The following RUNX2 variants were observed in gnomAD, a reference collection of about 807,000 sequenced individuals.
RUNX2 encodes runt-related transcription factor 2.
A neutral mutation model predicts 51.7 loss-of-function variants in RUNX2; 10 were observed. The ratio of observed to expected loss-of-function variants is 0.19; its 90% CI spans 0.12 to 0.33. The LOEUF (loss-of-function observed/expected upper bound fraction) is 0.33. Among genes scored for constraint, RUNX2 ranks in the 10% least tolerant of loss-of-function variants. The pLI is 1.00. For synonymous variants in RUNX2, 276 were observed against 273.6 expected, an observed-to-expected ratio of 1.01 and a Z score of -0.09; for missense variants, 562 against 691.3, an observed-to-expected ratio of 0.81 and a Z score of 2.10.
intron 2 of RUNX2, among the ~76,000 whole-genome samples, chr6:45,341,471 G>GCTTT (rs1789759724): frequency 6.6e-6 from 1 of 152,024 alleles, no homozygotes; most frequent in Admixed American, 6.6e-5. Flanking sequence ...ACATGAGGTA[G>GCTTT]GATCACACTA....
intron 2 of RUNX2, among the ~76,000 whole-genome samples, chr6:45,375,371 A>G (rs1170789434): frequency 6.6e-6 from 1 of 152,200 alleles, no homozygotes; most frequent in Non-Finnish European, 1.5e-5. Context: ...TTGTGCTGGA[A>G]CAATCAGGCT....
chr6:45,433,907 A>G (rs1798611666), intron 4 of RUNX2, among the ~76,000 whole-genome samples: 1 of 152,176 alleles, frequency 6.6e-6, no homozygotes, highest in African/African-American at 2.4e-5. Context: ...TATATTTCTT[A>G]TGATCTTAAC....
At chr6:45,434,543 T>C (rs774602362) in intron 4 of RUNX2, among the ~76,000 whole-genome samples, 5 of 152,226 alleles carry the variant, frequency 3.3e-5, no homozygotes, top group South Asian at 2.1e-4. Flanking sequence ...TTTGACTTTA[T>C]GGGTCATCTT....
intron 8 of RUNX2, among the ~76,000 whole-genome samples, chr6:45,545,803 C>T (rs1006901415): frequency 4.6e-5 from 7 of 152,228 alleles, no homozygotes; most frequent in Non-Finnish European, 1.0e-4. Context: ...AAGATTCTAG[C>T]ATTTCAGAAA....
rs758173198 is a variant in RUNX2 at position 45,422,695 on chromosome 6, A to G, written c.161A>G (p.Gln54Arg). ...GTGGCTGCGCAACAGCAGCAGCAAC[A>G]GCAGCAGCAGCAACAGCAGCAGCAG... Reference protein sequence around the residue: ...PVVAAQQQQQQQQQQQQQQQQ... With the variant: ...PVVAAQQQQQRQQQQQQQQQQ... The change falls in exon 3 of 9, where the codon CAG (glutamine) becomes CGG (arginine). Residue 54 changes from glutamine to arginine, a missense_variant. Around this residue, in one of 5 missense-constraint regions of RUNX2, gnomAD observed 153 missense variants for 144.8 expected, o/e 1.06. Transcript: ENST00000647337. The G allele has an allele frequency of 2.5e-6, 4 of 1,593,810 alleles. No individual in the cohort carries two copies. The highest frequency in any genetic ancestry group is 3.4e-6 in the Non-Finnish European group (4 of 1,169,938).
At chr6:45,365,399 G>C in intron 2 of RUNX2, 1 of 769,212 alleles carries the variant, frequency 1.3e-6, no homozygotes, top group Non-Finnish European at 2.1e-6. Context: ...AAAAAGTAGA[G>C]AAAATTTAAA....
chr6:45,472,279 G>GT (rs557540370), intron 5 of RUNX2, among the ~76,000 whole-genome samples: 71 of 152,252 alleles, frequency 4.7e-4, no homozygotes, highest in Non-Finnish European at 9.0e-4. Context: ...TACCCAATAA[G>GT]TAAGCAGACA....
At chr6:45,491,569 A>G (rs1470935067) in intron 5 of RUNX2, among the ~76,000 whole-genome samples, 3 of 144,214 alleles carry the variant, frequency 2.1e-5, no homozygotes, top group Non-Finnish European at 4.5e-5. Context: ...TTCAGAGGGG[A>G]TTTCCTCCAT....
At chr6:45,413,868 G>C in intron 2 of RUNX2, among the ~76,000 whole-genome samples, 1 of 152,146 alleles carries the variant, frequency 6.6e-6, no homozygotes. Flanking sequence ...AATACCCACA[G>C]ACCTAGGGCT....
intron 2 of RUNX2, among the ~76,000 whole-genome samples, chr6:45,371,070 T>C (rs1795984521): frequency 1.3e-5 from 2 of 152,186 alleles, no homozygotes; most frequent in African/African-American, 4.8e-5. Flanking sequence ...AAAGAGTTAC[T>C]TAATGGTTAA....
intron 2 of RUNX2, among the ~76,000 whole-genome samples, chr6:45,383,144 T>G (rs1189446207): frequency 6.6e-6 from 1 of 152,114 alleles, no homozygotes; most frequent in East Asian, 1.9e-4. Context: ...CAAAAATAAA[T>G]AAGTTCTGGG....
Position 45,365,606 on chromosome 6 carries a change from GT to G in RUNX2, c.58+36826del, listed in dbSNP as rs199764028. Among the ~76,000 whole-genome samples, 7 of 149,342 alleles carry G rather than the reference GT, an allele frequency of 4.7e-5. No homozygotes were observed. In the East Asian group the frequency reaches 7.8e-4, roughly 17 times the overall value. Reference sequence around the variant, plus strand: ...TAACATATTTTACTAGAGCTCATTGGTTTTCAAAATGTGCTTCAGGGAGCCC... The same window carrying G: ...TAACATATTTTACTAGAGCTCATTGGTTTCAAAATGTGCTTCAGGGAGCCC... On this transcript the variant is annotated intron_variant, in intron 2 of 8. Transcript: ENST00000647337.
intron 5 of RUNX2, among the ~76,000 whole-genome samples, chr6:45,450,782 A>G (rs1326812979): frequency 6.6e-6 from 1 of 152,158 alleles, no homozygotes; most frequent in Non-Finnish European, 1.5e-5. Context: ...TCAGAATCTA[A>G]TATCTAATTT....
intron 2 of RUNX2, among the ~76,000 whole-genome samples, chr6:45,410,277 T>A (rs930856399): frequency 1.3e-5 from 2 of 152,132 alleles, no homozygotes; most frequent in Non-Finnish European, 2.9e-5. Flanking sequence ...GGAGACACGT[T>A]AGGAGTCCAT....
At chr6:45,388,322 G>A (rs916443878) in intron 2 of RUNX2, among the ~76,000 whole-genome samples, 1 of 152,222 alleles carries the variant, frequency 6.6e-6, no homozygotes, top group Non-Finnish European at 1.5e-5. Flanking sequence ...AATCCTGTAT[G>A]AGGTGATAAA....
intron 2 of RUNX2, among the ~76,000 whole-genome samples, chr6:45,358,344 T>C (rs897992353): frequency 4.6e-5 from 7 of 152,164 alleles, no homozygotes; most frequent in Non-Finnish European, 1.0e-4. Context: ...TTTAATATAC[T>C]CAATAGGTAC....
At chr6:45,348,998 T>C (rs1373313270) in intron 2 of RUNX2, among the ~76,000 whole-genome samples, 1 of 152,190 alleles carries the variant, frequency 6.6e-6, no homozygotes, top group Non-Finnish European at 1.5e-5. Context: ...ACTTAGTAAA[T>C]GTTGAATAAA....
chr6:45,423,442 T>G (rs1347123300), intron 3 of RUNX2, among the ~76,000 whole-genome samples: 1 of 151,928 alleles, frequency 6.6e-6, no homozygotes, highest in Admixed American at 6.5e-5. Context: ...CAGCCTCTCT[T>G]TGGGGCTCCG....
chr6:45,409,648 C>A (rs1797908368), intron 2 of RUNX2, among the ~76,000 whole-genome samples: 1 of 152,036 alleles, frequency 6.6e-6, no homozygotes, highest in Non-Finnish European at 1.5e-5. Flanking sequence ...GAGCCACAGC[C>A]TAATCAATAT....
Sources: allele counts gnomAD v4.1 joint callset (sites outside exome capture counted in the v4.1 genomes callset), GRCh38; gene constraint gnomAD v4.1.1; regional missense constraint gnomAD v4.1.1; transcripts MANE v1.5; gene names NCBI Gene and HGNC (gene_info 2026-07-23, HGNC 2026-07-21).